Variants in TACR1 observed in about 807,000 individuals in gnomAD.
TACR1 encodes the protein tachykinin receptor 1.
Under a neutral mutation model 35.8 loss-of-function variants are expected in TACR1, and 25 were observed. The observed-to-expected ratio is 0.70, with a 90% CI of 0.51 to 0.98. The LOEUF is 0.98. Ranked by LOEUF, TACR1 falls within the 50% of genes least tolerant of loss-of-function variation. TACR1 has a pLI of 0.00. For missense variants in TACR1, 478 were observed against 522.9 expected (o/e 0.91, Z 0.84); for synonymous variants, 195 against 206.7 (o/e 0.94, Z 0.48).
At chr2:75,095,191 C>A (rs1390754729) in intron 2 of TACR1, among the ~76,000 whole-genome samples, 1 of 152,106 alleles carries the variant, frequency 6.6e-6, no homozygotes, top group Admixed American at 6.6e-5. Flanking sequence ...GTCACCCTGG[C>A]TGAGGAAGTG....
chr2:75,052,986 C>T (rs1230692586), intron 3 of TACR1, among the ~76,000 whole-genome samples: 2 of 152,182 alleles, frequency 1.3e-5, no homozygotes, highest in Non-Finnish European at 1.5e-5. Flanking sequence ...ATTATCAAAA[C>T]CAGGACACTG....
chr2:75,067,103 G>A lies in TACR1; in HGVS notation c.585-13348C>T, dbSNP rs552838977. 7.9e-5 allele frequency among the ~76,000 whole-genome samples: 12 copies of A among 152,312 alleles called. No homozygotes were observed. The South Asian group carries it at 1.2e-3, about 16-fold the overall frequency. ...GGAGAGGGTCCGAGGGGAGCAGTGG[G>A]AGATTATGAGAGCAGGAGGTTAGCT... is the stretch of plus-strand genomic sequence containing the variant. On this transcript the variant is annotated intron_variant, in intron 2 of 4. Transcript: ENST00000305249.
rs141300546 is a variant in TACR1 at position 75,092,638 on chromosome 2, C to T, written c.584+27936G>A. Among the ~76,000 whole-genome samples the T allele has an allele frequency of 2.9e-3, 420 of 146,806 alleles. 1 individual carries two copies. The highest frequency in any genetic ancestry group is 7.1e-3 in the Middle Eastern group (2 of 280). ...CCTCCTATGGTCAGAATAACTGAAC[C>T]GACTGTGTCCAGCCACCAAAGCTCA... On this transcript the variant is annotated intron_variant, in intron 2 of 4. Transcript: ENST00000305249.
intron 1 of TACR1, among the ~76,000 whole-genome samples, chr2:75,154,151 C>G (rs1674742274): frequency 6.6e-6 from 1 of 152,130 alleles, no homozygotes; most frequent in Non-Finnish European, 1.5e-5. Context: ...GAAGCTGAGC[C>G]TGCTGCTGCC....
At chr2:75,128,889 A>C (rs147151652) in intron 1 of TACR1, among the ~76,000 whole-genome samples, 237 of 152,322 alleles carry the variant, frequency 1.6e-3, no homozygotes, top group Non-Finnish European at 2.3e-3. Flanking sequence ...ACAGACACAC[A>C]CAGCAATAGC....
At chr2:75,116,337 C>T (rs772883094) in intron 2 of TACR1, among the ~76,000 whole-genome samples, 1 of 152,022 alleles carries the variant, frequency 6.6e-6, no homozygotes, top group African/African-American at 2.4e-5. Flanking sequence ...TGAGCTTAAG[C>T]GATCTACCTG....
intron 1 of TACR1, among the ~76,000 whole-genome samples, chr2:75,190,960 T>C (rs1405535635): frequency 6.6e-6 from 1 of 152,204 alleles, no homozygotes; most frequent in Non-Finnish European, 1.5e-5. Flanking sequence ...GGCAGGGGAT[T>C]AGGCCCAGGG....
chr2:75,135,706 C>A (rs1273439053), intron 1 of TACR1, among the ~76,000 whole-genome samples: 1 of 152,208 alleles, frequency 6.6e-6, no homozygotes, highest in Non-Finnish European at 1.5e-5. Context: ...GTAGTCCCCA[C>A]ATGCTAATTC....
Position 75,149,929 on chromosome 2 carries a change from A to G in TACR1, c.390-29161T>C, listed in dbSNP as rs557336801. On this transcript the variant is annotated intron_variant, in intron 1 of 4. Coordinates refer to ENST00000305249, the MANE Select transcript of TACR1 (RefSeq NM_001058.4). ...GATATGTTCCGTCAATACCTAGTTT[A>G]TTGAGAGTTTTTAAGCATGAAGCGG... Among the ~76,000 whole-genome samples, 4 of 152,320 alleles carry G rather than the reference A, an allele frequency of 2.6e-5. No homozygotes were observed. In the South Asian group the frequency reaches 8.3e-4, roughly 32 times the overall value.
intron 1 of TACR1, chr2:75,187,410 C>T (rs529995054): frequency 6.6e-6 from 1 of 152,240 alleles, no homozygotes; most frequent in South Asian, 2.1e-4. Flanking sequence ...TGGTGGTATA[C>T]CTGGGACTAT....
At chr2:75,067,919 G>A (rs532001517) in intron 2 of TACR1, among the ~76,000 whole-genome samples, 28 of 152,196 alleles carry the variant, frequency 1.8e-4, no homozygotes, top group Non-Finnish European at 2.6e-4. Context: ...TAAAGTCACT[G>A]AAGGGGTTAG....
Position 75,179,059 on chromosome 2 carries a change from G to T in TACR1, c.389+19487C>A, listed in dbSNP as rs878877691. On this transcript the variant is annotated intron_variant, in intron 1 of 4. Transcript: ENST00000305249. ...TAAAAATCAACTGCTTATTCATGAA[G>T]TATCTCTACTTGTCTATCTACTGCC... Among the ~76,000 whole-genome samples, 7 of 152,118 alleles carry T rather than the reference G, an allele frequency of 4.6e-5. No homozygotes were observed. In the East Asian group the frequency reaches 9.6e-4, roughly 21 times the overall value.
intron 2 of TACR1, among the ~76,000 whole-genome samples, chr2:75,062,836 G>A (rs1573461288): frequency 6.6e-6 from 1 of 152,140 alleles, no homozygotes; most frequent in African/African-American, 2.4e-5. Flanking sequence ...GGTCATACAT[G>A]GTTCTCTACT....
At chr2:75,198,020 C>A (rs952615422) in intron 1 of TACR1, among the ~76,000 whole-genome samples, 2 of 152,136 alleles carry the variant, frequency 1.3e-5, no homozygotes, top group Admixed American at 6.5e-5. Flanking sequence ...AACCAAACAA[C>A]AACAACAACT....
In TACR1 at chr2:75,146,614, T is replaced by A. The variant is rs186966381; in HGVS notation, c.390-25846A>T. On this transcript the variant is annotated intron_variant, in intron 1 of 4. Transcript: ENST00000305249. ...AGCTGTGGGGGTACCAAAGTGGAGA[T>A]GAGGATTATTGCGTTACTTGTGATG... 2.0e-4 allele frequency among the ~76,000 whole-genome samples: 30 copies of A among 152,316 alleles called. No homozygotes were observed. In the East Asian group the frequency reaches 5.8e-3, roughly 29 times the overall value.
chr2:75,095,610 C>A (rs1673406143), intron 2 of TACR1, among the ~76,000 whole-genome samples: 1 of 152,140 alleles, frequency 6.6e-6, no homozygotes, highest in African/African-American at 2.4e-5. Context: ...TAGGAAAGGC[C>A]TTAAATGCTT....
chr2:75,195,654 A>G (rs190517477), intron 1 of TACR1, among the ~76,000 whole-genome samples: 3 of 152,148 alleles, frequency 2.0e-5, no homozygotes. Flanking sequence ...ACTTATTGGG[A>G]TCTATCTTAA....
intron 2 of TACR1, among the ~76,000 whole-genome samples, chr2:75,061,973 T>C (rs540904074): frequency 6.6e-6 from 1 of 152,336 alleles, no homozygotes; most frequent in East Asian, 1.9e-4. Flanking sequence ...AGATTAAATG[T>C]TCCTTCTAGG....
intron 1 of TACR1, among the ~76,000 whole-genome samples, chr2:75,150,749 G>C (rs1329913924): frequency 1.3e-5 from 2 of 152,224 alleles, no homozygotes; most frequent in Non-Finnish European, 2.9e-5. Flanking sequence ...CTGGGTAACA[G>C]GTAGAGATTG....
Sources: allele counts gnomAD v4.1 joint callset (sites outside exome capture counted in the v4.1 genomes callset), GRCh38; gene constraint gnomAD v4.1.1; transcripts MANE v1.5; gene names NCBI Gene and HGNC (gene_info 2026-07-23, HGNC 2026-07-21).